ZAP70: variants seen among roughly 807,000 people sequenced by gnomAD.
ZAP70 encodes the protein tyrosine-protein kinase ZAP-70.
A neutral mutation model predicts 65.8 loss-of-function variants in ZAP70; 27 were observed. That is an observed-to-expected ratio of 0.41 (90% confidence interval 0.30 to 0.57). The LOEUF (loss-of-function observed/expected upper bound fraction) is 0.57, where lower values mean the gene tolerates loss of function less well. Among genes scored for constraint, ZAP70 ranks in the 20% least tolerant of loss-of-function variants. The pLI, the probability that ZAP70 is intolerant of heterozygous loss-of-function variation, is 0.28. For synonymous variants in ZAP70, 363 were observed against 360.8 expected (o/e 1.01, Z -0.07); for missense variants, 696 against 870.5 (o/e 0.80, Z 2.52).
chr2:97,716,498 G>A (rs1221097902), intron 2 of ZAP70, among the ~76,000 whole-genome samples: 1 of 152,226 alleles, frequency 6.6e-6, no homozygotes, highest in Non-Finnish European at 1.5e-5. Context: ...GGGCTAGAGA[G>A]AGAAGGAGAG....
the ZAP70 span, among the ~76,000 whole-genome samples, chr2:97,745,056 T>C: frequency 6.6e-6 from 1 of 152,272 alleles, no homozygotes; most frequent in Non-Finnish European, 1.5e-5. Flanking sequence ...ATTGTTTTTT[T>C]GAGACGGAGT....
At chr2:97,724,744 GAGGGTGCGCGGGGCT>G in intron 3 of ZAP70, 1 of 1,506,766 alleles carries the variant, frequency 6.6e-7, no homozygotes, top group Non-Finnish European at 8.9e-7. Flanking sequence ...GGGCTGAGAG[GAGGGTGCGCGGGGCT>G]AGGGTGAGCC....
chr2:97,728,617 C>T (rs996474392), intron 4 of ZAP70, among the ~76,000 whole-genome samples: 5 of 152,204 alleles, frequency 3.3e-5, no homozygotes, highest in African/African-American at 1.2e-4. Flanking sequence ...TGCCGAAGAA[C>T]AGATTTAATT....
At chr2:97,725,481 G>T (rs1382470080) in intron 4 of ZAP70, among the ~76,000 whole-genome samples, 1 of 152,220 alleles carries the variant, frequency 6.6e-6, no homozygotes, top group East Asian at 1.9e-4. Flanking sequence ...TTGGAATCCC[G>T]CTTCCGCCAC....
chr2:97,741,459 G>T (rs1375187582), downstream of ZAP70, among the ~76,000 whole-genome samples: 2 of 151,406 alleles, frequency 1.3e-5, no homozygotes, highest in Middle Eastern at 3.2e-3. Context: ...CCCTAGGAAA[G>T]CTCCCCGTCC....
At chr2:97,716,050 C>T (rs948686465) in intron 2 of ZAP70, among the ~76,000 whole-genome samples, 1 of 152,110 alleles carries the variant, frequency 6.6e-6, no homozygotes, top group Non-Finnish European at 1.5e-5. Flanking sequence ...AGGTGCCTGA[C>T]CCAGGCTGGG....
intron 10 of ZAP70, among the ~76,000 whole-genome samples, chr2:97,735,989 A>G (rs917446532): frequency 1.3e-5 from 2 of 152,126 alleles, no homozygotes; most frequent in Admixed American, 6.5e-5. Context: ...GCCTGGGGAC[A>G]GAGCGAAACT....
At chr2:97,720,004 G>C (rs1031416872) in intron 2 of ZAP70, among the ~76,000 whole-genome samples, 1 of 152,160 alleles carries the variant, frequency 6.6e-6, no homozygotes, top group African/African-American at 2.4e-5. Flanking sequence ...GCGGAACTGC[G>C]TGTCTCCGTA....
At chr2:97,754,971 G>T in the ZAP70 span, among the ~76,000 whole-genome samples, 1 of 152,116 alleles carries the variant, frequency 6.6e-6, no homozygotes, top group Non-Finnish European at 1.5e-5. Flanking sequence ...TGTGAGCTTT[G>T]GTATAAAGCA....
chr2:97,739,256 C>G (rs1678041836), intron 13 of ZAP70, 119 bp from the exon 14 acceptor site: 2 of 1,500,308 alleles, frequency 1.3e-6, no homozygotes, highest in African/African-American at 2.8e-5. Flanking sequence ...CCCAACAGCC[C>G]TGCTGACTTT....
chr2:97,722,388 T>G (rs1275247247), intron 2 of ZAP70, among the ~76,000 whole-genome samples: 1 of 152,242 alleles, frequency 6.6e-6, no homozygotes, highest in African/African-American at 2.4e-5. Context: ...GCCTCACATA[T>G]TTTGAATGTT....
chr2:97,752,335 A>G, the ZAP70 span, among the ~76,000 whole-genome samples: 2 of 152,248 alleles, frequency 1.3e-5, no homozygotes, highest in East Asian at 1.9e-4. Flanking sequence ...TATTGTTGCC[A>G]ATTTATTTTT....
downstream of ZAP70, among the ~76,000 whole-genome samples, chr2:97,743,999 G>A (rs1263297913): frequency 6.6e-6 from 1 of 152,196 alleles, no homozygotes. Flanking sequence ...TCATTGCTAA[G>A]TGTTTGAAGA....
chr2:97,739,027 T>G (rs1013873213), intron 13 of ZAP70, among the ~76,000 whole-genome samples: 10 of 152,130 alleles, frequency 6.6e-5, no homozygotes, highest in Admixed American at 5.9e-4. Context: ...CCCAGGTGCA[T>G]GCACAGAGCA....
the ZAP70 span, among the ~76,000 whole-genome samples, chr2:97,755,704 G>C: frequency 1.3e-5 from 2 of 152,138 alleles, no homozygotes. Flanking sequence ...CAGGCTGCCC[G>C]AGTCCCTGCT....
rs993327827 is a variant in ZAP70, at chr2:97,736,427, T to C, written c.1289+971T>C. ...GCCCCTGGCTCCCACATTCAGTCATTTGACAGGTGTTTATTGGACAGTTTC... is the reference window on the plus strand; with the variant it reads ...GCCCCTGGCTCCCACATTCAGTCATCTGACAGGTGTTTATTGGACAGTTTC... On this transcript the variant is annotated intron_variant, in intron 10 of 13. Coordinates refer to ENST00000264972, the MANE Select transcript of ZAP70 (RefSeq NM_001079.4). The surrounding 1 kb of genome is among the most constrained non-coding windows in gnomAD (Gnocchi z 4.0). Among the ~76,000 whole-genome samples, 1 of 152,220 alleles carries C rather than the reference T, an allele frequency of 6.6e-6. No individual in the cohort carries two copies. The highest frequency in any genetic ancestry group is 1.5e-5 in the Non-Finnish European group (1 of 68,030).
chr2:97,725,241 C>A lies in ZAP70; in HGVS notation c.552C>A (p.Asp184Glu). The A allele has an allele frequency of 6.2e-7, 1 of 1,613,288 alleles. No homozygotes were observed. Among genetic ancestry groups the A allele is most frequent in the Non-Finnish European group, 8.5e-7 (1 of 1,179,284 alleles). Reference sequence around the variant, plus strand: ...AACTTTACTCTGGGGCGCAGACCGACGGCAAGTTCCTGTATGTGGGGCCCG... The same window carrying A: ...AACTTTACTCTGGGGCGCAGACCGAAGGCAAGTTCCTGTATGTGGGGCCCG... ...ERKLYSGAQT[D>E]GKFLLRPRKE... Residue 184 changes from aspartate (D) to glutamate (E), a missense_variant, in exon 4 of 14, where the codon GAC becomes GAA. Physicochemically the swap from Asp to Glu is conservative, Grantham distance 45. Coordinates refer to ENST00000264972, the MANE Select transcript of ZAP70 (RefSeq NM_001079.4).
chr2:97,749,010 T>A, the ZAP70 span, among the ~76,000 whole-genome samples: 1 of 143,082 alleles, frequency 7.0e-6, no homozygotes, highest in Non-Finnish European at 1.5e-5. Flanking sequence ...TTCCCTTTTT[T>A]TTTTTTTTTT....
intron 9 of ZAP70, 78 bp downstream of exon 9, chr2:97,734,790 A>G: frequency 6.4e-7 from 1 of 1,566,398 alleles, no homozygotes; most frequent in Non-Finnish European, 8.7e-7. Context: ...GTGGGACGGG[A>G]GCCGGGATGT....
Sources: gnomAD v4.1 joint callset for allele counts (sites outside exome capture counted in the v4.1 genomes callset) on GRCh38, gnomAD v4.1.1 for gene constraint, Gnocchi (gnomAD v3.1) non-coding constraint, MANE v1.5 for transcripts, NCBI Gene and HGNC (gene_info 2026-07-23, HGNC 2026-07-21) for gene names.